Variants in ITPK1 observed in about 807,000 individuals in gnomAD.
ITPK1 encodes the protein inositol-tetrakisphosphate 1-kinase.
In ITPK1, 21 loss-of-function variants were observed where a neutral mutation model predicts 45.3. That is an observed-to-expected ratio of 0.46 (90% confidence interval 0.33 to 0.67). The LOEUF (loss-of-function observed/expected upper bound fraction) is 0.67, where lower values mean the gene tolerates loss of function less well. ITPK1 is among the 30% of genes least tolerant of loss of function. ITPK1 has a pLI of 0.02. For missense variants in ITPK1, 474 were observed against 573.5 expected (o/e 0.83, Z 1.77); for synonymous variants, 258 against 253.6 (o/e 1.02, Z -0.16).
At position 93,012,132 on chromosome 14, in the gene ITPK1, A is replaced by C. The variant is rs11160098; in HGVS notation, c.246+4544T>G. Among the ~76,000 whole-genome samples, 41,282 of 151,912 alleles carry C rather than the reference A, an allele frequency of 0.27. 5,889 individuals carry two copies. Among genetic ancestry groups the C allele is most frequent in the Admixed American group, 0.36 (5,476 of 15,276 alleles). On this transcript the variant is annotated intron_variant, in intron 4 of 10. Transcript: ENST00000267615. The surrounding 1 kb of genome is among the most constrained non-coding windows in gnomAD (Gnocchi z 4.9). ...CCATGAAAGGCCGCCCCAGCGCATG[A>C]CCAGCACTGGGCATGCGCCGCCACC...
At chr14:93,103,980 G>T (rs1336013273) in intron 2 of ITPK1, among the ~76,000 whole-genome samples, 2 of 152,218 alleles carry the variant, frequency 1.3e-5, no homozygotes, top group Non-Finnish European at 2.9e-5. Context: ...AGAGGCCCCA[G>T]GCCCTGCCTT....
intron 2 of ITPK1, among the ~76,000 whole-genome samples, chr14:93,091,588 A>C (rs1891868861): frequency 6.6e-6 from 1 of 152,132 alleles, no homozygotes; most frequent in African/African-American, 2.4e-5. Context: ...TGGGCTCTAC[A>C]CCTCGGTTTT....
At chr14:93,049,254 C>T (rs1889907495) in intron 3 of ITPK1, among the ~76,000 whole-genome samples, 1 of 152,238 alleles carries the variant, frequency 6.6e-6, no homozygotes, top group Admixed American at 6.5e-5. Context: ...ACACAAGAAT[C>T]CTGTGTGGAA....
At chr14:93,059,319 C>A (rs1165264725) in intron 3 of ITPK1, among the ~76,000 whole-genome samples, 1 of 19,572 alleles carries the variant, frequency 5.1e-5, no homozygotes, top group East Asian at 1.8e-3. Context: ...GGAGGGGGTG[C>A]GGGTCCTAAG....
intron 5 of ITPK1, among the ~76,000 whole-genome samples, chr14:92,983,463 A>C (rs1886326803): frequency 6.6e-6 from 1 of 152,230 alleles, no homozygotes; most frequent in Non-Finnish European, 1.5e-5. Flanking sequence ...ACAATGGGAC[A>C]ATTTTCTTCA....
intron 5 of ITPK1, among the ~76,000 whole-genome samples, chr14:92,973,337 AAAG>A (rs1210955678): frequency 1.3e-5 from 2 of 152,228 alleles, no homozygotes; most frequent in African/African-American, 4.8e-5. Flanking sequence ...ACTGGAAACA[AAAG>A]GAGGAGGGAA....
chr14:93,031,346 A>G (rs1197155225), intron 3 of ITPK1, among the ~76,000 whole-genome samples: 1 of 152,166 alleles, frequency 6.6e-6, no homozygotes, highest in African/African-American at 2.4e-5. Flanking sequence ...AAAGGCCATG[A>G]GTGAGGGAGT....
At chr14:92,982,794 G>C (rs752821101) in intron 5 of ITPK1, among the ~76,000 whole-genome samples, 2 of 152,194 alleles carry the variant, frequency 1.3e-5, no homozygotes, top group Non-Finnish European at 2.9e-5. Flanking sequence ...GGAGTCACTG[G>C]GGGAAAGCAG....
At position 92,941,285 on chromosome 14, in the gene ITPK1, T is replaced by C; in HGVS notation, c.*276A>G. The C allele has an allele frequency of 7.2e-7, 1 of 1,390,210 alleles. No homozygotes were observed. Among genetic ancestry groups the C allele is most frequent in the Non-Finnish European group, 9.3e-7 (1 of 1,077,652 alleles). 86.1% of individuals were successfully genotyped at this position (1,390,210 alleles called of 1,614,324 possible). A position where few individuals can be genotyped will look rare whatever the true frequency, so the allele number is the denominator to read the frequency against. Reference sequence around the variant, plus strand: ...CCCCTCACCTCCCATCCAGACCTAGTGTTGCAAACACAAGCGTGTGTAAAC... The same window carrying C: ...CCCCTCACCTCCCATCCAGACCTAGCGTTGCAAACACAAGCGTGTGTAAAC... On this transcript the variant is annotated 3_prime_UTR_variant, in exon 11 of 11. Transcript: ENST00000267615.
intron 3 of ITPK1, among the ~76,000 whole-genome samples, chr14:93,047,825 T>TGCAGG (rs1889847302): frequency 6.6e-6 from 1 of 152,252 alleles, no homozygotes; most frequent in East Asian, 1.9e-4. Context: ...GCCCGACATC[T>TGCAGG]GCTTCCTGCA....
At chr14:93,013,151 A>T (rs953357182) in intron 4 of ITPK1, among the ~76,000 whole-genome samples, 3 of 152,234 alleles carry the variant, frequency 2.0e-5, no homozygotes, top group Non-Finnish European at 4.4e-5. Flanking sequence ...CTGCACACTG[A>T]GAACCAAACC....
At chr14:93,093,592 G>A (rs555641577) in intron 2 of ITPK1, among the ~76,000 whole-genome samples, 1 of 152,308 alleles carries the variant, frequency 6.6e-6, no homozygotes, top group East Asian at 1.9e-4. Context: ...CCTCTTGGGG[G>A]TCTTGTTAAA....
chr14:92,993,062 G>A (rs926220410), intron 5 of ITPK1, among the ~76,000 whole-genome samples: 2 of 152,256 alleles, frequency 1.3e-5, no homozygotes, highest in African/African-American at 4.8e-5. Flanking sequence ...CCAAGGCCAA[G>A]TCACCATCCA....
chr14:93,009,524 C>T (rs1159536084), intron 4 of ITPK1, among the ~76,000 whole-genome samples: 3 of 152,220 alleles, frequency 2.0e-5, no homozygotes, highest in East Asian at 1.9e-4. Flanking sequence ...AACGGGCTAA[C>T]GGCACAGAAT....
chr14:93,044,459 G>T (rs894371393), intron 3 of ITPK1, among the ~76,000 whole-genome samples: 1 of 152,196 alleles, frequency 6.6e-6, no homozygotes, highest in Non-Finnish European at 1.5e-5. Flanking sequence ...AGCCTAGGCC[G>T]AACACTGGCA....
At chr14:92,969,884 G>A (rs1367732993) in intron 5 of ITPK1, among the ~76,000 whole-genome samples, 2 of 152,102 alleles carry the variant, frequency 1.3e-5, no homozygotes, top group African/African-American at 4.8e-5. Context: ...AAATGCTCCC[G>A]TCTTCCCTCT....
At chr14:93,059,267 A>C (rs1595177045) in intron 3 of ITPK1, among the ~76,000 whole-genome samples, 2 of 43,292 alleles carry the variant, frequency 4.6e-5, no homozygotes, top group Non-Finnish European at 8.3e-5. Flanking sequence ...GGTGCTGGTC[A>C]TGAGGCAGGG....
At chr14:93,017,576 C>T (rs900269544) in intron 3 of ITPK1, among the ~76,000 whole-genome samples, 10 of 152,206 alleles carry the variant, frequency 6.6e-5, no homozygotes, top group African/African-American at 1.4e-4. Context: ...AGCCTGACCC[C>T]CGCTTCCTGA....
At chr14:92,998,978 T>G (rs185110955) in intron 4 of ITPK1, 1 of 152,340 alleles carries the variant, frequency 6.6e-6, no homozygotes, top group African/African-American at 2.4e-5. Context: ...TATAAAACTT[T>G]TAGAAGAAAA....
Sources: allele counts gnomAD v4.1 joint callset (sites outside exome capture counted in the v4.1 genomes callset), GRCh38; gene constraint gnomAD v4.1.1; non-coding constraint Gnocchi (gnomAD v3.1); transcripts MANE v1.5; gene names NCBI Gene and HGNC (gene_info 2026-07-23, HGNC 2026-07-21).